Variants in CACNA1B observed in about 807,000 individuals in gnomAD.
CACNA1B encodes calcium voltage-gated channel subunit alpha1 B, also known as voltage-dependent N-type calcium channel subunit alpha-1B.
A neutral mutation model predicts 247.2 loss-of-function variants in CACNA1B; 70 were observed. The ratio of observed to expected loss-of-function variants is 0.28; its 90% CI spans 0.23 to 0.35. The LOEUF (loss-of-function observed/expected upper bound fraction) is 0.35. Ranked by LOEUF, CACNA1B falls within the 10% of genes least tolerant of loss-of-function variation. The pLI is 1.00. For missense variants in CACNA1B, 2,367 were observed against 3,197.4 expected, an observed-to-expected ratio of 0.74 and a Z score of 6.26; for synonymous variants, 1,231 against 1,294.4, an observed-to-expected ratio of 0.95 and a Z score of 1.05.
chr9:138,047,526 C>G, intron 23 of CACNA1B, 68 bp downstream of exon 23: 1 of 1,132,978 alleles, frequency 8.8e-7, no homozygotes. Context: ...GAGATGGGAC[C>G]AGGGCAGTGG....
At chr9:138,046,091 G>A (rs895936100) in intron 21 of CACNA1B, among the ~76,000 whole-genome samples, 3 of 152,204 alleles carry the variant, frequency 2.0e-5, no homozygotes, top group African/African-American at 4.8e-5. Flanking sequence ...GCACTCTCAC[G>A]TTGTGGCTCT....
At chr9:137,951,104 T>C (rs990849511) in intron 6 of CACNA1B, among the ~76,000 whole-genome samples, 1 of 152,232 alleles carries the variant, frequency 6.6e-6, no homozygotes, top group African/African-American at 2.4e-5. Flanking sequence ...TTGTGGGAAG[T>C]TGGTGGCTTT....
chr9:138,030,978 G>A (rs1958981157), intron 20 of CACNA1B, among the ~76,000 whole-genome samples: 2 of 151,856 alleles, frequency 1.3e-5, no homozygotes, highest in African/African-American at 2.4e-5. Context: ...TAATTTTATT[G>A]ATGTTTTCAA....
At chr9:138,112,282 C>T in intron 39 of CACNA1B, 116 bp from the exon 40 acceptor site, 1 of 709,276 alleles carries the variant, frequency 1.4e-6, no homozygotes, top group Admixed American at 2.1e-5. Context: ...GTCTGTACCC[C>T]ATCTCCGCCT....
chr9:137,878,959 A>G, intron 1 of CACNA1B, 95 bp from the exon 2 acceptor site: 3 of 731,054 alleles, frequency 4.1e-6, no homozygotes, highest in Non-Finnish European at 7.0e-6. Flanking sequence ...CCCTCCGGAG[A>G]CGGCCTAGCG....
At chr9:138,003,319 C>T (rs12339596) in intron 15 of CACNA1B, among the ~76,000 whole-genome samples, 39,647 of 151,108 alleles carry the variant, frequency 0.26, 7,124 homozygotes, top group East Asian at 0.64. Flanking sequence ...ACTACAGGTG[C>T]GCACTACCAC....
At chr9:138,043,170 G>A (rs930661493) in intron 20 of CACNA1B, among the ~76,000 whole-genome samples, 5 of 152,182 alleles carry the variant, frequency 3.3e-5, no homozygotes, top group Admixed American at 6.5e-5. Flanking sequence ...GGTGCTGAGC[G>A]GTAGAGGATG....
chr9:138,117,167 G>T (rs1206348738), intron 42 of CACNA1B, among the ~76,000 whole-genome samples: 1 of 152,252 alleles, frequency 6.6e-6, no homozygotes, highest in Admixed American at 6.5e-5. Flanking sequence ...TACCAGTGCG[G>T]AAGTATCTCC....
At chr9:137,991,692 C>T (rs1055502921) in intron 15 of CACNA1B, among the ~76,000 whole-genome samples, 1 of 152,182 alleles carries the variant, frequency 6.6e-6, no homozygotes, top group African/African-American at 2.4e-5. Flanking sequence ...GCAAAAATAT[C>T]AGGTAACCTA....
intron 20 of CACNA1B, among the ~76,000 whole-genome samples, chr9:138,036,226 G>A (rs1181135682): frequency 1.3e-4 from 19 of 151,992 alleles, no homozygotes; most frequent in South Asian, 2.1e-4. Flanking sequence ...TGCAACCTCC[G>A]CCTCCTGAGT....
In CACNA1B at chr9:137,952,152, C is replaced by A; in HGVS notation, c.967-122C>A. On this transcript the variant is annotated intron_variant, in intron 6 of 46. Transcript: ENST00000371372. This position sits in a 1 kb window ranked among gnomAD's most constrained non-coding sequence, Gnocchi z 4.8. ...GACCTCCCTGTGACTGGCCTCCCCACTGCCTGGACCCTACCAGGTGTGTGC... is the reference window on the plus strand; with the variant it reads ...GACCTCCCTGTGACTGGCCTCCCCAATGCCTGGACCCTACCAGGTGTGTGC... 2 of 727,850 alleles carry A rather than the reference C, an allele frequency of 2.7e-6. No individual in the cohort carries two copies. Among genetic ancestry groups the A allele is most frequent in the South Asian group, 1.6e-5 (1 of 61,876 alleles). 45.1% of individuals were successfully genotyped at this position (727,850 alleles called of 1,614,324 possible).
intron 25 of CACNA1B, 37 bp from the exon 26 acceptor site, chr9:138,053,809 C>A: frequency 1.4e-6 from 2 of 1,422,062 alleles, no homozygotes; most frequent in Non-Finnish European, 1.9e-6. Context: ...CACCATGATT[C>A]CACCCCCTCA....
rs1457672314 is a variant in CACNA1B, at chr9:137,888,516, A to G, written c.530+5633A>G. 6.6e-6 allele frequency among the ~76,000 whole-genome samples: 1 copy of G among 152,194 alleles called. No individual in the cohort carries two copies. The highest frequency in any genetic ancestry group is 6.5e-5 in the Admixed American group (1 of 15,292). On this transcript the variant is annotated intron_variant, in intron 3 of 46. Transcript: ENST00000371372. The surrounding 1 kb of genome is among the most constrained non-coding windows in gnomAD (Gnocchi z 4.7). ...GCTACCCTCCATGGCCCTTGGGGAC[A>G]TCAGAGAAACACATCCTGGCTCAGG...
chr9:138,013,259 T>C (rs753041993), intron 18 of CACNA1B, 24 bp downstream of exon 18: 1 of 1,535,170 alleles, frequency 6.5e-7, no homozygotes, highest in South Asian at 1.2e-5. Context: ...GAGTGGATTG[T>C]GGGGTGGCAG....
chr9:137,975,514 G>C (rs982059897), intron 11 of CACNA1B, among the ~76,000 whole-genome samples: 2 of 152,176 alleles, frequency 1.3e-5, no homozygotes, highest in Non-Finnish European at 2.9e-5. Flanking sequence ...GGAAGGACCA[G>C]CTGGAAGCTG....
At chr9:137,934,113 C>T (rs942203561) in intron 6 of CACNA1B, among the ~76,000 whole-genome samples, 2 of 152,032 alleles carry the variant, frequency 1.3e-5, no homozygotes, top group South Asian at 4.2e-4. Flanking sequence ...ACAAAGACAC[C>T]AAGGAAAGTT....
chr9:138,078,345 A>C, intron 36 of CACNA1B, 87 bp downstream of exon 36: 2 of 1,333,454 alleles, frequency 1.5e-6, no homozygotes, highest in South Asian at 1.3e-5. Flanking sequence ...CTGATCCCTG[A>C]CTCTGATCCA....
At chr9:137,939,872 T>C (rs1957712930) in intron 6 of CACNA1B, among the ~76,000 whole-genome samples, 1 of 151,492 alleles carries the variant, frequency 6.6e-6, no homozygotes. Context: ...TTCTTCGAAC[T>C]GAATGACAGT....
At chr9:138,106,322 C>T (rs1961423323) in intron 39 of CACNA1B, among the ~76,000 whole-genome samples, 1 of 152,016 alleles carries the variant, frequency 6.6e-6, no homozygotes, top group African/African-American at 2.4e-5. Context: ...CCTGCCCCAG[C>T]CCCACCCCCC....
Sources: gnomAD v4.1 joint callset for allele counts (sites outside exome capture counted in the v4.1 genomes callset) on GRCh38, gnomAD v4.1.1 for gene constraint, Gnocchi (gnomAD v3.1) non-coding constraint, MANE v1.5 for transcripts, NCBI Gene and HGNC (gene_info 2026-07-23, HGNC 2026-07-21) for gene names.